Variants in ANKRD54 observed in about 807,000 individuals in gnomAD.
ANKRD54 encodes ankyrin repeat domain-containing protein 54.
A neutral mutation model predicts 36.2 loss-of-function variants in ANKRD54; 26 were observed. The observed-to-expected ratio is 0.72, with a 90% CI of 0.53 to 1.00. The LOEUF (loss-of-function observed/expected upper bound fraction) is 1.00, where lower values mean the gene tolerates loss of function less well. ANKRD54 is among the 50% of genes least tolerant of loss of function. ANKRD54 has a pLI of 0.00. For missense variants in ANKRD54, 384 were observed against 424.3 expected (o/e 0.91, Z 0.83); for synonymous variants, 209 against 188.4 (o/e 1.11, Z -0.89).
At chr22:37,847,565 G>A, upstream of ANKRD54, 1 of 414,072 alleles carries the variant, frequency 2.4e-6, no homozygotes. Flanking sequence ...AATGGAAGAT[G>A]AGGGTTGGTT....
intron 1 of ANKRD54, among the ~76,000 whole-genome samples, chr22:37,842,341 A>C (rs976161261): frequency 6.6e-6 from 1 of 152,242 alleles, no homozygotes; most frequent in Admixed American, 6.5e-5. Context: ...TCCTCCTGCA[A>C]ATCCTCCAAG....
chr22:37,834,691 C>T (rs1233815869), intron 3 of ANKRD54: 1 of 109,496 alleles, frequency 9.1e-6, no homozygotes, highest in Non-Finnish European at 1.8e-5. Context: ...GAGACAGACC[C>T]TGTCTCAAAA....
intron 2 of ANKRD54, 140 bp downstream of exon 2, chr22:37,840,047 C>T: frequency 1.0e-6 from 1 of 980,264 alleles, no homozygotes. Flanking sequence ...AAGATGACTG[C>T]ACAGTCAGAC....
chr22:37,831,851 G>A lies in ANKRD54; in HGVS notation c.*92C>T. On this transcript the variant is annotated 3_prime_UTR_variant, in exon 8 of 8. Transcript: ENST00000215941. The stretch of plus-strand genomic sequence containing the variant: ...GCAAGGTCCTCACCAGACAAGTGCA[G>A]CTCCAAGTCCCAGATGTTGGGCTTT... 7.3e-7 allele frequency: 1 copy of A among 1,371,612 alleles called. No individual in the cohort carries two copies. The highest frequency in any genetic ancestry group is 2.4e-5 in the East Asian group (1 of 42,110). 85.0% of individuals were successfully genotyped at this position (1,371,612 alleles called of 1,614,324 possible). A position where few individuals can be genotyped will look rare whatever the true frequency, so the allele number is the denominator to read the frequency against.
Position 37,831,611 on chromosome 22 carries a change from C to T in ANKRD54, c.*332G>A, listed in dbSNP as rs1186020051. ...ACAGAGAAGGGTCTGAGGCCTGGAG[C>T]GCGCCATGAAGGCCATGGGGCAAGT... On this transcript the variant is annotated 3_prime_UTR_variant, in exon 8 of 8. Coordinates refer to ENST00000215941, the MANE Select transcript of ANKRD54 (RefSeq NM_138797.4). The T allele has an allele frequency of 7.1e-5, 23 of 324,074 alleles. No individual in the cohort carries two copies. The highest frequency in any genetic ancestry group is 1.2e-4 in the Non-Finnish European group (20 of 170,228). 20.1% of individuals were successfully genotyped at this position (324,074 alleles called of 1,614,324 possible). A position where few individuals can be genotyped will look rare whatever the true frequency, so the allele number is the denominator to read the frequency against.
At chr22:37,845,797 AG>A (rs1277189017), upstream of ANKRD54, among the ~76,000 whole-genome samples, 8 of 152,134 alleles carry the variant, frequency 5.3e-5, no homozygotes, top group Admixed American at 3.3e-4. Context: ...TGAACCTGGG[AG>A]GCAGAGGTTG....
rs1262290393 is a variant in ANKRD54 at position 37,832,654 on chromosome 22, T to G, written c.811A>C (p.Thr271Pro). 1 of 1,613,964 alleles carries G rather than the reference T, an allele frequency of 6.2e-7. No homozygotes were observed. Among genetic ancestry groups the G allele is most frequent in the Admixed American group, 1.7e-5 (1 of 59,996 alleles). The change falls in exon 7 of 8, where the codon ACC (threonine) becomes CCC (proline). Residue 271 changes from threonine (T) to proline (P), a missense_variant. This residue lies in a region of ANKRD54 where 179 missense variants were observed against 224.0 expected (regional missense o/e 0.80). Transcript: ENST00000215941. ...CAGCTCACCTGCTCTTTGGTACTGG[T>G]CATCTGCAGGCGGGTGCAGAGGTCA... The part of the protein sequence containing the change: ...LDDLCTRLQM[T>P]STKEQVDEVT...
chr22:37,833,787 G>T (rs761109633), intron 3 of ANKRD54, 32 bp from the exon 4 acceptor site: 1 of 1,609,148 alleles, frequency 6.2e-7, no homozygotes, highest in Non-Finnish European at 8.5e-7. Context: ...AGGAGTTGTC[G>T]GAGGCTTCCA....
In ANKRD54 at chr22:37,838,717, A is replaced by G. The variant is rs1923850655; in HGVS notation, c.377-119T>C. On this transcript the variant is annotated intron_variant, in intron 2 of 7. Transcript: ENST00000215941. ...CCTCTAGACAAGACATCGACAATGC[A>G]TAGGAAAGCAGCCCTTCCTAGATGC... 4.3e-6 allele frequency: 4 copies of G among 929,340 alleles called. No individual in the cohort carries two copies. In the Middle Eastern group the frequency reaches 7.7e-4, roughly 179 times the overall value. The allele number at this position is 929,340 out of a possible 1,614,324, so 57.6% of individuals were successfully genotyped here.
intron 1 of ANKRD54, among the ~76,000 whole-genome samples, chr22:37,840,451 C>A (rs1230656583): frequency 6.6e-6 from 1 of 151,610 alleles, no homozygotes; most frequent in South Asian, 2.1e-4. Context: ...CCCAGCTACT[C>A]GGGAGGCTGA....
At chr22:37,844,495 G>T (rs1924708298), upstream of ANKRD54, 1 of 416,546 alleles carries the variant, frequency 2.4e-6, no homozygotes, top group Admixed American at 4.5e-5. Context: ...AGGGTTTCCG[G>T]CAACGTGACT....
intron 3 of ANKRD54, among the ~76,000 whole-genome samples, chr22:37,835,155 G>A (rs1923370801): frequency 6.6e-6 from 1 of 152,174 alleles, no homozygotes; most frequent in Non-Finnish European, 1.5e-5. Flanking sequence ...CGGAGGTCAG[G>A]AGTTCGAGAC....
rs1463148059 is a variant in ANKRD54, at chr22:37,830,888, G to A, written c.*1055C>T. The A allele has an allele frequency of 6.6e-6, 1 of 152,178 alleles. No individual in the cohort carries two copies. The highest frequency in any genetic ancestry group is 1.9e-4 in the East Asian group (1 of 5,196). 9.4% of individuals were successfully genotyped at this position (152,178 alleles called of 1,614,324 possible). The stretch of plus-strand genomic sequence containing the variant: ...AACAACACAAATTTATTCCCTTAGA[G>A]TTCTAAAATCAGCCAGAATTATAAA... On this transcript the variant is annotated 3_prime_UTR_variant, in exon 8 of 8. Transcript: ENST00000215941.
intron 3 of ANKRD54, among the ~76,000 whole-genome samples, chr22:37,837,306 G>A (rs946145702): frequency 1.3e-5 from 2 of 152,090 alleles, no homozygotes; most frequent in African/African-American, 2.4e-5. Flanking sequence ...CCATTCCTAG[G>A]TTTATAGAGG....
At chr22:37,840,154 G>A (rs773036198) in intron 2 of ANKRD54, 33 bp downstream of exon 2, 2 of 1,613,760 alleles carry the variant, frequency 1.2e-6, no homozygotes, top group East Asian at 2.2e-5. Context: ...CAGCCCATGG[G>A]ACCCTGTAGC....
chr22:37,835,707 G>C (rs1031243112), intron 3 of ANKRD54, among the ~76,000 whole-genome samples: 1 of 152,194 alleles, frequency 6.6e-6, no homozygotes, highest in Non-Finnish European at 1.5e-5. Flanking sequence ...TTGGGAGGCT[G>C]AGGCAGGAGG....
rs185931119 is a variant in ANKRD54, at chr22:37,840,891, A to G, written c.329-657T>C. 4.6e-5 allele frequency among the ~76,000 whole-genome samples: 7 copies of G among 152,194 alleles called. No individual in the cohort carries two copies. The East Asian group carries it at 1.2e-3, about 25-fold the overall frequency. On this transcript the variant is annotated intron_variant, in intron 1 of 7. Transcript: ENST00000215941. ...GACAGAGTGAGACGCTGTCTCAGAA[A>G]AAAACAAAAACAACAAAAACCAACA...
intron 2 of ANKRD54, among the ~76,000 whole-genome samples, chr22:37,839,270 A>G (rs1601729280): frequency 1.3e-5 from 2 of 152,244 alleles, no homozygotes; most frequent in East Asian, 3.8e-4. Context: ...TCCAGTGTAT[A>G]GGAAAGAAGC....
chr22:37,831,919 C>T lies in ANKRD54; in HGVS notation c.*24G>A, dbSNP rs767707738. Reference sequence around the variant, plus strand: ...GCAGTGGGGCAGGGTGGGGCAGTGGCAGGAAGGCAGGGAGCCTCTCTTGCT... The same window carrying T: ...GCAGTGGGGCAGGGTGGGGCAGTGGTAGGAAGGCAGGGAGCCTCTCTTGCT... On this transcript the variant is annotated 3_prime_UTR_variant, in exon 8 of 8. Coordinates refer to ENST00000215941, the MANE Select transcript of ANKRD54 (RefSeq NM_138797.4). The T allele has an allele frequency of 5.0e-6, 8 of 1,610,948 alleles. No homozygotes were observed. Among genetic ancestry groups the T allele is most frequent in the African/African-American group, 1.3e-5 (1 of 74,924 alleles).
Sources: allele counts gnomAD v4.1 joint callset (sites outside exome capture counted in the v4.1 genomes callset), GRCh38; gene constraint gnomAD v4.1.1; regional missense constraint gnomAD v4.1.1; transcripts MANE v1.5; gene names NCBI Gene and HGNC (gene_info 2026-07-23, HGNC 2026-07-21).